Variants in ZSWIM6 observed in about 807,000 individuals in gnomAD.
The protein encoded by ZSWIM6 is zinc finger SWIM domain-containing protein 6.
Under a neutral mutation model 113.2 loss-of-function variants are expected in ZSWIM6, and 9 were observed. That is an observed-to-expected ratio of 0.08 (90% CI 0.05 to 0.14). The LOEUF is 0.14. ZSWIM6 is among the 10% of genes least tolerant of loss of function. ZSWIM6 has a pLI of 1.00. For synonymous variants in ZSWIM6, 611 were observed against 606.5 expected, an observed-to-expected ratio of 1.01 and a Z score of -0.11; for missense variants, 1,162 against 1,552.2, an observed-to-expected ratio of 0.75 and a Z score of 4.22.
At chr5:61,491,925 T>C (rs1213869125) in intron 3 of ZSWIM6, among the ~76,000 whole-genome samples, 1 of 152,054 alleles carries the variant, frequency 6.6e-6, no homozygotes, top group Non-Finnish European at 1.5e-5. Context: ...CTGTATACCA[T>C]ATGTAGATTG....
intron 1 of ZSWIM6, among the ~76,000 whole-genome samples, chr5:61,403,213 C>T (rs1745974806): frequency 1.3e-5 from 2 of 152,212 alleles, no homozygotes; most frequent in Non-Finnish European, 2.9e-5. Context: ...TTGAAACCAT[C>T]AGCAGGATTT....
At chr5:61,341,783 A>G (rs1030919799) in intron 1 of ZSWIM6, among the ~76,000 whole-genome samples, 3 of 151,476 alleles carry the variant, frequency 2.0e-5, no homozygotes, top group Admixed American at 6.6e-5. Context: ...GGTAAATAGT[A>G]TACACATAAT....
chr5:61,522,096 T>TG (rs1159848343), intron 5 of ZSWIM6, among the ~76,000 whole-genome samples: 2 of 151,370 alleles, frequency 1.3e-5, no homozygotes, highest in Non-Finnish European at 2.9e-5. Context: ...TTTGTTTGTT[T>TG]TTTTTTGTTT....
At chr5:61,434,257 A>G (rs1022647158) in intron 1 of ZSWIM6, among the ~76,000 whole-genome samples, 1 of 149,602 alleles carries the variant, frequency 6.7e-6, no homozygotes, top group African/African-American at 2.4e-5. Flanking sequence ...AAATATGTAC[A>G]TTTTACTATG....
At chr5:61,379,466 C>G (rs750390189) in intron 1 of ZSWIM6, among the ~76,000 whole-genome samples, 10 of 151,976 alleles carry the variant, frequency 6.6e-5, no homozygotes, top group African/African-American at 2.4e-4. Context: ...TACTTGTGGT[C>G]GAGTAATCCA....
At chr5:61,441,767 A>G (rs1746839187) in intron 1 of ZSWIM6, among the ~76,000 whole-genome samples, 2 of 152,140 alleles carry the variant, frequency 1.3e-5, no homozygotes, top group Admixed American at 1.3e-4. Flanking sequence ...ATTTACTGCA[A>G]TTATGGTTTA....
chr5:61,353,687 C>G (rs1015966670), intron 1 of ZSWIM6, among the ~76,000 whole-genome samples: 1 of 152,220 alleles, frequency 6.6e-6, no homozygotes, highest in Admixed American at 6.5e-5. Context: ...GGAGCTGATA[C>G]TACACTCAGT....
At chr5:61,504,979 G>A (rs74700137) in intron 4 of ZSWIM6, among the ~76,000 whole-genome samples, 2,424 of 152,244 alleles carry the variant, frequency 0.016, 23 homozygotes, top group Middle Eastern at 0.099. Flanking sequence ...TTAATATAAC[G>A]TAGGACATGT....
intron 1 of ZSWIM6, among the ~76,000 whole-genome samples, chr5:61,397,229 G>A (rs926601081): frequency 6.6e-6 from 1 of 152,178 alleles, no homozygotes; most frequent in African/African-American, 2.4e-5. Context: ...TATCCCAGTT[G>A]TGTGTAATAC....
chr5:61,467,776 T>C (rs1247359064), intron 1 of ZSWIM6, among the ~76,000 whole-genome samples: 1 of 152,188 alleles, frequency 6.6e-6, no homozygotes, highest in Non-Finnish European at 1.5e-5. Context: ...AGAGCTGGGT[T>C]GAGTAAAGGT....
intron 1 of ZSWIM6, among the ~76,000 whole-genome samples, chr5:61,409,625 T>C (rs1468203664): frequency 1.3e-5 from 2 of 152,178 alleles, no homozygotes; most frequent in African/African-American, 2.4e-5. Context: ...TAAAAACATT[T>C]GTATTTCTTG....
intron 1 of ZSWIM6, among the ~76,000 whole-genome samples, chr5:61,364,940 G>A (rs1488752974): frequency 6.6e-6 from 1 of 152,176 alleles, no homozygotes; most frequent in Non-Finnish European, 1.5e-5. Context: ...TAATGGCAGA[G>A]TTGAGTAGTT....
At chr5:61,490,979 T>C (rs780329119) in intron 3 of ZSWIM6, 45 bp downstream of exon 3, 103 of 1,459,016 alleles carry the variant, frequency 7.1e-5, no homozygotes, top group Non-Finnish European at 8.8e-5. Flanking sequence ...TATATACATA[T>C]ATAGGGACTA....
rs150701790 is a variant in ZSWIM6 at position 61,519,296 on chromosome 5, G to A, written c.1334-1967G>A. On this transcript the variant is annotated intron_variant, in intron 4 of 13. Transcript: ENST00000252744. ...TTGTACACAGAATTCAGAGATCCCC[G>A]TTTCCACCTCCTGGTTTGGGGGTCC... 6.9e-3 allele frequency among the ~76,000 whole-genome samples: 1,049 copies of A among 152,210 alleles called. 11 individuals are homozygous for A. The highest frequency in any genetic ancestry group is 0.022 in the African/African-American group (915 of 41,538).
At chr5:61,340,276 G>T (rs1744514355) in intron 1 of ZSWIM6, among the ~76,000 whole-genome samples, 1 of 152,152 alleles carries the variant, frequency 6.6e-6, no homozygotes, top group Admixed American at 6.5e-5. Flanking sequence ...GCTTGAGTAT[G>T]CTAAATGTTT....
chr5:61,390,937 G>A (rs962858327), intron 1 of ZSWIM6: 1 of 795,262 alleles, frequency 1.3e-6, no homozygotes, highest in Non-Finnish European at 2.3e-6. Context: ...CCCAGAGGGT[G>A]GCTTGTCAGA....
intron 1 of ZSWIM6, among the ~76,000 whole-genome samples, chr5:61,377,465 G>A (rs1745394923): frequency 6.6e-6 from 1 of 151,772 alleles, no homozygotes; most frequent in South Asian, 2.1e-4. Context: ...TAAAACTACC[G>A]CAAGCCACTT....
intron 1 of ZSWIM6, among the ~76,000 whole-genome samples, chr5:61,360,700 C>T (rs1456318941): frequency 2.0e-5 from 3 of 152,012 alleles, no homozygotes; most frequent in Non-Finnish European, 4.4e-5. Flanking sequence ...AGTTTTTTAC[C>T]CTCACCTTTG....
At chr5:61,435,976 C>T (rs1294816246) in intron 1 of ZSWIM6, among the ~76,000 whole-genome samples, 4 of 152,090 alleles carry the variant, frequency 2.6e-5, no homozygotes, top group East Asian at 1.9e-4. Flanking sequence ...CCAAGGCGAG[C>T]GGATCACCTG....
Sources: gnomAD v4.1 joint callset for allele counts (sites outside exome capture counted in the v4.1 genomes callset) on GRCh38, gnomAD v4.1.1 for gene constraint, MANE v1.5 for transcripts, NCBI Gene and HGNC (gene_info 2026-07-23, HGNC 2026-07-21) for gene names.